The following RPIA variants were observed in gnomAD, a reference collection of about 807,000 sequenced individuals.
RPIA encodes the protein ribose 5-phosphate isomerase A, also known as ribose-5-phosphate isomerase.
In RPIA, 29 loss-of-function variants were observed where a neutral mutation model predicts 37.8. The observed-to-expected ratio is 0.77, with a 90% CI of 0.57 to 1.05. The LOEUF (loss-of-function observed/expected upper bound fraction) is 1.05, where lower values mean the gene tolerates loss of function less well. Ranked by LOEUF, RPIA falls within the 50% of genes least tolerant of loss-of-function variation. The pLI is 0.00. For synonymous variants in RPIA, 167 were observed against 157.0 expected (o/e 1.06, Z -0.48); for missense variants, 385 against 413.6 (o/e 0.93, Z 0.60).
intron 8 of RPIA, among the ~76,000 whole-genome samples, chr2:88,744,074 C>T (rs1673413333): frequency 6.6e-6 from 1 of 151,900 alleles, no homozygotes; most frequent in Non-Finnish European, 1.5e-5. Flanking sequence ...GTTCTTGTTT[C>T]TCTAGTTCCT....
intron 3 of RPIA, among the ~76,000 whole-genome samples, chr2:88,722,826 G>A (rs1050331687): frequency 6.6e-6 from 1 of 152,152 alleles, no homozygotes; most frequent in Non-Finnish European, 1.5e-5. Context: ...TGGCACCTTT[G>A]TTCTGAATTC....
intron 8 of RPIA, among the ~76,000 whole-genome samples, chr2:88,748,691 T>C (rs1328209597): frequency 6.6e-6 from 1 of 152,186 alleles, no homozygotes; most frequent in African/African-American, 2.4e-5. Flanking sequence ...TTTATATCTA[T>C]TCTACTCTTT....
intron 2 of RPIA, 36 bp downstream of exon 2, chr2:88,698,580 G>T (rs1425497469): frequency 1.1e-5 from 17 of 1,584,382 alleles, no homozygotes; most frequent in African/African-American, 1.3e-5. Context: ...TGTTTTGTGT[G>T]TGATGATGGG....
chr2:88,715,159 C>T (rs532616427), intron 3 of RPIA, among the ~76,000 whole-genome samples: 2 of 152,310 alleles, frequency 1.3e-5, no homozygotes, highest in African/African-American at 4.8e-5. Flanking sequence ...TCCTCAAATC[C>T]GTCTCCCTGA....
chr2:88,711,252 G>T (rs1672957350), intron 3 of RPIA, among the ~76,000 whole-genome samples: 1 of 152,228 alleles, frequency 6.6e-6, no homozygotes, highest in African/African-American at 2.4e-5. Context: ...GCTAGTCAAA[G>T]AAACCACCGC....
rs191709656 is a variant in RPIA, at chr2:88,693,180, C to T, written c.285+1197C>T. On this transcript the variant is annotated intron_variant, in intron 1 of 8. Coordinates refer to ENST00000283646, the MANE Select transcript of RPIA (RefSeq NM_144563.3). The stretch of plus-strand genomic sequence containing the variant: ...ATAGCTAATAGATAAATGTAATCCA[C>T]ATGAGAATACAATTAGAAAAGCCCC... Among the ~76,000 whole-genome samples, 226 of 152,328 alleles carry T rather than the reference C, an allele frequency of 1.5e-3. 2 individuals carry two copies. The highest frequency in any genetic ancestry group is 5.1e-3 in the African/African-American group (211 of 41,568).
intron 3 of RPIA, among the ~76,000 whole-genome samples, chr2:88,710,336 G>T (rs1302269678): frequency 6.6e-6 from 1 of 152,170 alleles, no homozygotes; most frequent in Non-Finnish European, 1.5e-5. Context: ...GTGAGCCACT[G>T]CGCCCAGCCA....
chr2:88,708,506 G>T (rs535097560), intron 3 of RPIA, among the ~76,000 whole-genome samples: 2 of 152,178 alleles, frequency 1.3e-5, no homozygotes, highest in African/African-American at 4.8e-5. Context: ...GGAGTACACC[G>T]TAAAAAGAAT....
intron 3 of RPIA, among the ~76,000 whole-genome samples, chr2:88,704,230 G>A (rs984198951): frequency 2.6e-5 from 4 of 152,158 alleles, no homozygotes; most frequent in African/African-American, 7.2e-5. Context: ...TCTCAGCAGC[G>A]CCTCACTCTG....
At chr2:88,704,956 ACT>A (rs1672880440) in intron 3 of RPIA, among the ~76,000 whole-genome samples, 1 of 152,126 alleles carries the variant, frequency 6.6e-6, no homozygotes, top group Non-Finnish European at 1.5e-5. Flanking sequence ...TCATGAATGA[ACT>A]CTCATTCACA....
chr2:88,733,255 C>G (rs1411250133), intron 4 of RPIA, among the ~76,000 whole-genome samples: 1 of 152,126 alleles, frequency 6.6e-6, no homozygotes, highest in Non-Finnish European at 1.5e-5. Flanking sequence ...AGTGAGTGTA[C>G]TGCGTTGGTG....
intron 3 of RPIA, among the ~76,000 whole-genome samples, chr2:88,726,623 A>G (rs1673200074): frequency 6.6e-6 from 1 of 152,244 alleles, no homozygotes. Flanking sequence ...GCAATATTTT[A>G]TAAGTATATG....
At position 88,698,719 on chromosome 2, in the gene RPIA, A is replaced by G. The variant is rs75742967; in HGVS notation, c.346+175A>G. ...AGTGTTTCTGCTCTTTTGTGGAGAG[A>G]GGGAATCTTGGGCCTCTTCATCCAA... On this transcript the variant is annotated intron_variant, in intron 2 of 8. Transcript: ENST00000283646. Among the ~76,000 whole-genome samples the G allele has an allele frequency of 2.8e-3, 424 of 152,274 alleles. 2 individuals are homozygous for G. Among genetic ancestry groups the G allele is most frequent in the African/African-American group, 9.7e-3 (401 of 41,542 alleles).
chr2:88,722,217 A>G (rs569561847), intron 3 of RPIA, among the ~76,000 whole-genome samples: 1 of 152,084 alleles, frequency 6.6e-6, no homozygotes, highest in Non-Finnish European at 1.5e-5. Context: ...TCCTTTTACA[A>G]CTTGTTTTAT....
At chr2:88,709,475 A>G (rs761738471) in intron 3 of RPIA, among the ~76,000 whole-genome samples, 16 of 152,240 alleles carry the variant, frequency 1.1e-4, no homozygotes, top group South Asian at 4.1e-4. Flanking sequence ...CACATTTAGC[A>G]TAAGTCTTAT....
chr2:88,734,852 G>A (rs763603257), intron 5 of RPIA, among the ~76,000 whole-genome samples: 3 of 150,998 alleles, frequency 2.0e-5, no homozygotes, highest in Non-Finnish European at 4.4e-5. Context: ...TGGATTCTCT[G>A]TGGATTTGTG....
Position 88,750,043 on chromosome 2 carries a change from G to A in RPIA, c.901G>A (p.Gly301Ser), listed in dbSNP as rs1197110836. ...GAGAGTCTACTTTGGGATGCAGGAT[G>A]GCTCAGTGAACATGAGGGAGAAGCC... ...AERVYFGMQD[G>S]SVNMREKPFC The change falls in exon 9 of 9, where the codon GGC (glycine) becomes AGC (serine). Residue 301 changes from glycine to serine, a missense_variant. This residue lies in a region of RPIA where 153 missense variants were observed against 210.6 expected (regional missense o/e 0.73). Transcript: ENST00000283646. The A allele has an allele frequency of 6.2e-7, 1 of 1,613,120 alleles. No individual in the cohort carries two copies.
At chr2:88,721,558 C>A (rs1350286859) in intron 3 of RPIA, among the ~76,000 whole-genome samples, 1 of 66,204 alleles carries the variant, frequency 1.5e-5, no homozygotes, top group African/African-American at 5.3e-5. Flanking sequence ...CACACACACA[C>A]ACACACACAC....
chr2:88,694,340 C>T (rs541773278), intron 1 of RPIA, among the ~76,000 whole-genome samples: 53 of 152,292 alleles, frequency 3.5e-4, no homozygotes, highest in Admixed American at 5.9e-4. Context: ...AAGAACGAGC[C>T]TTATACAGAG....
Sources: allele counts gnomAD v4.1 joint callset (sites outside exome capture counted in the v4.1 genomes callset), GRCh38; gene constraint gnomAD v4.1.1; regional missense constraint gnomAD v4.1.1; transcripts MANE v1.5; gene names NCBI Gene and HGNC (gene_info 2026-07-23, HGNC 2026-07-21).